The following WWOX variants were observed in gnomAD, a reference collection of about 807,000 sequenced individuals.
The protein encoded by WWOX is WW domain containing oxidoreductase, also known as WW domain-containing oxidoreductase.
A neutral mutation model predicts 46.2 loss-of-function variants in WWOX; 69 were observed. The ratio of observed to expected loss-of-function variants is 1.49; its 90% CI spans 1.23 to 1.82. The LOEUF (loss-of-function observed/expected upper bound fraction) is 1.82, where lower values mean the gene tolerates loss of function less well. Among genes scored for constraint, WWOX ranks in the 40% most tolerant of loss-of-function variants. WWOX has a pLI of 0.00. For missense variants in WWOX, 919 were observed against 542.6 expected (o/e 1.69, Z -6.89); for synonymous variants, 359 against 202.6 (o/e 1.77, Z -6.56).
intron 8 of WWOX, among the ~76,000 whole-genome samples, chr16:78,562,151 A>G (rs940437132): frequency 6.6e-6 from 1 of 152,150 alleles, no homozygotes; most frequent in Admixed American, 6.5e-5. Context: ...GATTTGATCC[A>G]AGCTCTCTGG....
rs189713383 is a variant in WWOX at position 78,302,098 on chromosome 16, C to G, written c.517-84762C>G. On this transcript the variant is annotated intron_variant, in intron 5 of 8. Transcript: ENST00000566780. Reference sequence around the variant, plus strand: ...GCCTCAGCCTCTCTAGCAGCTGGGACTACAGGCGCCTGCCACCATGCCCGG... The same window carrying G: ...GCCTCAGCCTCTCTAGCAGCTGGGAGTACAGGCGCCTGCCACCATGCCCGG... 1.3e-4 allele frequency among the ~76,000 whole-genome samples: 20 copies of G among 151,942 alleles called. No individual in the cohort carries two copies. The East Asian group carries it at 2.7e-3, about 21-fold the overall frequency.
chr16:78,408,199 C>G (rs1431886969), intron 6 of WWOX, among the ~76,000 whole-genome samples: 1 of 152,194 alleles, frequency 6.6e-6, no homozygotes, highest in African/African-American at 2.4e-5. Context: ...ACTTGGTGCA[C>G]TCTTCTGATT....
At chr16:78,596,366 A>G (rs542590205) in intron 8 of WWOX, among the ~76,000 whole-genome samples, 2 of 152,046 alleles carry the variant, frequency 1.3e-5, no homozygotes, top group African/African-American at 4.8e-5. Flanking sequence ...AAGAGCATGT[A>G]GTGTGGTGGG....
chr16:78,490,093 T>C (rs1597156541), intron 8 of WWOX, among the ~76,000 whole-genome samples: 2 of 152,028 alleles, frequency 1.3e-5, no homozygotes, highest in East Asian at 3.9e-4. Flanking sequence ...TAGTTCTGTT[T>C]ATTTTTAACA....
At chr16:78,216,827 G>A (rs1281085453) in intron 5 of WWOX, among the ~76,000 whole-genome samples, 2 of 152,118 alleles carry the variant, frequency 1.3e-5, no homozygotes. Flanking sequence ...CGCCTCCAGG[G>A]TTCAAGCGAT....
chr16:78,755,187 C>G (rs1162702582), intron 8 of WWOX, among the ~76,000 whole-genome samples: 1 of 145,270 alleles, frequency 6.9e-6, no homozygotes, highest in African/African-American at 2.6e-5. Context: ...GCATGTTCTG[C>G]ACATGTATCC....
chr16:78,331,537 G>C lies in WWOX; in HGVS notation c.517-55323G>C, dbSNP rs1176990818. ...CATTTTGCTTTGACTTCCTTGTATAGGTACAAAGGTGTAAGTAGGAGAGTC... is the reference window on the plus strand; with the variant it reads ...CATTTTGCTTTGACTTCCTTGTATACGTACAAAGGTGTAAGTAGGAGAGTC... On this transcript the variant is annotated intron_variant, in intron 5 of 8. Coordinates refer to ENST00000566780, the MANE Select transcript of WWOX (RefSeq NM_016373.4). Among the ~76,000 whole-genome samples, 3 of 152,142 alleles carry C rather than the reference G, an allele frequency of 2.0e-5. No homozygotes were observed. The East Asian group carries it at 5.8e-4, about 29-fold the overall frequency.
At chr16:79,183,817 C>G (rs911563076) in intron 8 of WWOX, among the ~76,000 whole-genome samples, 6 of 152,200 alleles carry the variant, frequency 3.9e-5, no homozygotes, top group African/African-American at 1.4e-4. Context: ...ACCAAAGGTT[C>G]TGTGCCTCCC....
At chr16:79,056,460 G>A (rs2048264294) in intron 8 of WWOX, among the ~76,000 whole-genome samples, 2 of 152,174 alleles carry the variant, frequency 1.3e-5, no homozygotes, top group South Asian at 2.1e-4. Context: ...TGGGGCAGAG[G>A]GTTGCCTGGG....
intron 8 of WWOX, among the ~76,000 whole-genome samples, chr16:79,166,976 G>A (rs2050606781): frequency 6.6e-6 from 1 of 152,050 alleles, no homozygotes; most frequent in Middle Eastern, 3.4e-3. Flanking sequence ...GAGCCTTGCT[G>A]TGTCATCCAG....
intron 8 of WWOX, among the ~76,000 whole-genome samples, chr16:79,028,904 A>AC (rs1369760511): frequency 6.6e-6 from 1 of 151,456 alleles, no homozygotes; most frequent in Non-Finnish European, 1.5e-5. Flanking sequence ...ACTAGAAAAA[A>AC]AAATGTTCAT....
At chr16:79,150,760 G>A (rs540586102) in intron 8 of WWOX, among the ~76,000 whole-genome samples, 1 of 152,244 alleles carries the variant, frequency 6.6e-6, no homozygotes, top group South Asian at 2.1e-4. Context: ...TACCCCTTTG[G>A]CCTCCTGGGT....
At chr16:78,788,212 C>G (rs887766861) in intron 8 of WWOX, among the ~76,000 whole-genome samples, 2 of 152,140 alleles carry the variant, frequency 1.3e-5, no homozygotes, top group African/African-American at 4.8e-5. Context: ...ATCTAAGAAT[C>G]CATTGCCAAA....
chr16:78,899,576 C>G (rs746705835), intron 8 of WWOX: 2 of 152,284 alleles, frequency 1.3e-5, no homozygotes, highest in Non-Finnish European at 2.9e-5. Context: ...CTGAGAAACA[C>G]TCATCCTGAA....
chr16:79,038,644 G>A (rs563373056), intron 8 of WWOX, among the ~76,000 whole-genome samples: 3 of 152,274 alleles, frequency 2.0e-5, no homozygotes, highest in African/African-American at 7.2e-5. Flanking sequence ...CTGCCTCCCA[G>A]ATTCAAGCAA....
chr16:79,109,907 A>G (rs1268405875), intron 8 of WWOX, among the ~76,000 whole-genome samples: 1 of 152,228 alleles, frequency 6.6e-6, no homozygotes, highest in African/African-American at 2.4e-5. Context: ...TTGTTTAGAA[A>G]CAGAAACTTT....
At chr16:78,590,932 C>T (rs763588974) in intron 8 of WWOX, among the ~76,000 whole-genome samples, 1 of 152,126 alleles carries the variant, frequency 6.6e-6, no homozygotes, top group Non-Finnish European at 1.5e-5. Context: ...TGAGTTTCTG[C>T]ACACGTATGG....
At chr16:78,752,623 C>G (rs981865623) in intron 8 of WWOX, among the ~76,000 whole-genome samples, 1 of 152,172 alleles carries the variant, frequency 6.6e-6, no homozygotes, top group Non-Finnish European at 1.5e-5. Context: ...GATTTTTAAA[C>G]TCACTTTCAA....
chr16:78,981,843 C>G (rs913102582), intron 8 of WWOX: 1 of 152,228 alleles, frequency 6.6e-6, no homozygotes, highest in Non-Finnish European at 1.5e-5. Context: ...TGAAGATGGT[C>G]TAATTTCAAA....
Sources: allele counts gnomAD v4.1 joint callset (sites outside exome capture counted in the v4.1 genomes callset), GRCh38; gene constraint gnomAD v4.1.1; transcripts MANE v1.5; gene names NCBI Gene and HGNC (gene_info 2026-07-23, HGNC 2026-07-21).